COG7: variants seen among roughly 807,000 people sequenced by gnomAD.
The protein encoded by COG7 is conserved oligomeric Golgi complex subunit 7.
Under a neutral mutation model 91.5 loss-of-function variants are expected in COG7, and 49 were observed. That is an observed-to-expected ratio of 0.54 (90% CI 0.43 to 0.68). The LOEUF (loss-of-function observed/expected upper bound fraction) is 0.68, where lower values mean the gene tolerates loss of function less well. Among genes scored for constraint, COG7 ranks in the 30% least tolerant of loss-of-function variants. The pLI, the probability that COG7 is intolerant of heterozygous loss-of-function variation, is 0.00. For synonymous variants in COG7, 365 were observed against 388.7 expected (o/e 0.94, Z 0.72); for missense variants, 895 against 961.3 (o/e 0.93, Z 0.91).
intron 6 of COG7, among the ~76,000 whole-genome samples, chr16:23,430,811 G>T (rs1231440967): frequency 2.0e-5 from 3 of 152,004 alleles, no homozygotes; most frequent in Admixed American, 6.6e-5. Context: ...AAAGTGCTGG[G>T]ATTACAGGTG....
intron 10 of COG7, among the ~76,000 whole-genome samples, chr16:23,410,679 A>G (rs1462752436): frequency 1.3e-5 from 2 of 152,134 alleles, no homozygotes; most frequent in Non-Finnish European, 2.9e-5. Flanking sequence ...CAGGGTAGAG[A>G]TATTTTATAT....
intron 4 of COG7, among the ~76,000 whole-genome samples, chr16:23,437,552 G>T (rs1964030844): frequency 6.6e-6 from 1 of 152,216 alleles, no homozygotes; most frequent in Non-Finnish European, 1.5e-5. Context: ...CAGGGCTGGA[G>T]ATGAGTACTG....
At chr16:23,451,085 C>T (rs1452052741) in intron 1 of COG7, among the ~76,000 whole-genome samples, 2 of 152,072 alleles carry the variant, frequency 1.3e-5, no homozygotes, top group Non-Finnish European at 2.9e-5. Context: ...CCCAGCTACT[C>T]AGGAGGTAGA....
In COG7 at chr16:23,418,911, A is replaced by C. The variant is rs116838850; in HGVS notation, c.1010-84T>G. 1.0e-4 allele frequency: 130 copies of C among 1,273,898 alleles called. No homozygotes were observed. In the African/African-American group the frequency reaches 1.6e-3, roughly 16 times the overall value. 78.9% of individuals were successfully genotyped at this position (1,273,898 alleles called of 1,614,324 possible). A position where few individuals can be genotyped will look rare whatever the true frequency, so the allele number is the denominator to read the frequency against. The stretch of plus-strand genomic sequence containing the variant: ...GAAAGCAACAATCAAGAGGCGCTCT[A>C]CTAGAACTTTCCCCATTTGATCTCC... On this transcript the variant is annotated intron_variant, in intron 7 of 16. Coordinates refer to ENST00000307149, the MANE Select transcript of COG7 (RefSeq NM_153603.4).
At chr16:23,401,885 G>A (rs888995623) in intron 13 of COG7, among the ~76,000 whole-genome samples, 8 of 151,956 alleles carry the variant, frequency 5.3e-5, no homozygotes, top group African/African-American at 1.2e-4. Flanking sequence ...ACGAAACCCC[G>A]TCTCTACCAA....
Position 23,410,302 on chromosome 16 carries a change from C to T in COG7, c.1468G>A (p.Ala490Thr). The T allele has an allele frequency of 6.2e-7, 1 of 1,613,968 alleles. No individual in the cohort carries two copies. Among genetic ancestry groups the T allele is most frequent in the Non-Finnish European group, 8.5e-7 (1 of 1,179,902 alleles). The change falls in exon 11 of 17, where the codon GCC (alanine) becomes ACC (threonine). Residue 490 changes from alanine to threonine, a missense_variant. Physicochemically the swap from Ala to Thr is moderately conservative, Grantham distance 58. Coordinates refer to ENST00000307149, the MANE Select transcript of COG7 (RefSeq NM_153603.4). ...ATGACTCCTCTCTCCTACCTGTTGGCTAGCTGCTGCTCGAAGTCCCCACAA... is the reference window on the plus strand; with the variant it reads ...ATGACTCCTCTCTCCTACCTGTTGGTTAGCTGCTGCTCGAAGTCCCCACAA... ...RHCGDFEQQL[A>T]NRILSTAGKY...
rs60680120 is a variant in COG7, at chr16:23,404,010, C to T, written c.1663-176G>A. Among the ~76,000 whole-genome samples the T allele has an allele frequency of 9.9e-3, 1,515 of 152,314 alleles. 31 individuals carry two copies. The highest frequency in any genetic ancestry group is 0.034 in the African/African-American group (1,420 of 41,564). On this transcript the variant is annotated intron_variant, in intron 12 of 16. Transcript: ENST00000307149. ...ACATGCTGAATTACAGATTCCCAAG[C>T]TCCACCCCAGAACTACTGCATCAGA...
chr16:23,452,827 C>T lies in COG7; in HGVS notation c.168G>A (p.Glu56=). The T allele has an allele frequency of 1.2e-6, 2 of 1,611,822 alleles. No individual in the cohort carries two copies. Among genetic ancestry groups the T allele is most frequent in the Non-Finnish European group, 1.7e-6 (2 of 1,179,316 alleles). ...LFIQEVNHAV[E]ETSHQALQNM... is the part of the protein sequence containing the mutation. ...CGGCCAGGGCCCCGAGCGGCTCACC[C>T]TCCACGGCGTGGTTCACCTCTTGGA... Residue 56 remains glutamate (E), a splice_region_variant and synonymous_variant, in exon 1 of 17, where the codon GAG becomes GAA. Transcript: ENST00000307149.
chr16:23,415,060 T>TGCAG (rs1963631236), intron 9 of COG7: 1 of 152,276 alleles, frequency 6.6e-6, no homozygotes, highest in Non-Finnish European at 1.5e-5. Context: ...ATGATCCTGC[T>TGCAG]GCTCCCTTTA....
At chr16:23,412,923 TG>T (rs537765397) in intron 10 of COG7, 82 of 163,412 alleles carry the variant, frequency 5.0e-4, no homozygotes, top group Admixed American at 1.4e-3. Context: ...TGACCTCAAG[TG>T]ATCTGCCCGC....
At chr16:23,396,842 A>C (rs770599527) in intron 14 of COG7, among the ~76,000 whole-genome samples, 6 of 152,216 alleles carry the variant, frequency 3.9e-5, no homozygotes, top group Non-Finnish European at 7.3e-5. Flanking sequence ...CAGAGAGCAG[A>C]GAGCCAGCCA....
intron 4 of COG7, among the ~76,000 whole-genome samples, chr16:23,437,673 A>AT (rs57961024): frequency 0.17 from 25,533 of 152,186 alleles, 2,291 homozygotes; most frequent in East Asian, 0.29. Flanking sequence ...AAATTCCACT[A>AT]TTTTTCAGTG....
chr16:23,422,871 C>T (rs926651793), intron 7 of COG7, among the ~76,000 whole-genome samples: 31 of 151,506 alleles, frequency 2.0e-4, no homozygotes, highest in African/African-American at 7.3e-4. Flanking sequence ...GGTGAAACCT[C>T]GTCTCTACTA....
intron 4 of COG7, among the ~76,000 whole-genome samples, chr16:23,437,452 T>C (rs944089919): frequency 8.5e-5 from 13 of 152,094 alleles, no homozygotes; most frequent in African/African-American, 2.9e-4. Flanking sequence ...AGATGGTAAC[T>C]TTCCAACCCC....
chr16:23,418,873 A>T, intron 7 of COG7, 46 bp from the exon 8 acceptor site: 1 of 1,585,986 alleles, frequency 6.3e-7, no homozygotes, highest in East Asian at 2.2e-5. Context: ...AAAGAATCTG[A>T]AATTAACTGT....
Position 23,452,941 on chromosome 16 carries a change from A to G in COG7, c.54T>C (p.Asn18=), listed in dbSNP as rs1348861782. 9.9e-6 allele frequency: 16 copies of G among 1,613,998 alleles called. No homozygotes were observed. The highest frequency in any genetic ancestry group is 1.4e-5 in the Non-Finnish European group (16 of 1,179,996). ...ADDFDVKEWI[N]AAFRAGSKEA... ...CCTTGGAGCCGGCCCTGAAGGCCGC[A>G]TTGATCCACTCCTTCACGTCGAAGT... Residue 18 remains asparagine, a synonymous_variant, in exon 1 of 17, where the codon AAT becomes AAC. Coordinates refer to ENST00000307149, the MANE Select transcript of COG7 (RefSeq NM_153603.4).
rs375114992 is a variant in COG7, at chr16:23,410,331, C to T, written c.1439G>A (p.Arg480Gln). The T allele has an allele frequency of 8.7e-6, 14 of 1,613,954 alleles. No homozygotes were observed. Among genetic ancestry groups the T allele is most frequent in the Middle Eastern group, 1.6e-4 (1 of 6,084 alleles). Residue 480 changes from arginine (R) to glutamine (Q), a missense_variant, in exon 11 of 17, where the codon CGG becomes CAG. Arg to Gln is a conservative substitution (Grantham distance 43). Transcript: ENST00000307149. Reference sequence around the variant, plus strand: ...CTGCTGCTCGAAGTCCCCACAATGCCGCAAAAGCTCTCCACAGGTGGCTAT... The same window carrying T: ...CTGCTGCTCGAAGTCCCCACAATGCTGCAAAAGCTCTCCACAGGTGGCTAT... The part of the protein sequence containing the change: ...RIIATCGELL[R>Q]HCGDFEQQLA...
In COG7 at chr16:23,424,962, A is replaced by ACC; in HGVS notation, c.811-16_811-15insGG. The ACC allele has an allele frequency of 9.5e-6, 15 of 1,585,022 alleles. No individual in the cohort carries two copies. The highest frequency in any genetic ancestry group is 1.3e-5 in the Non-Finnish European group (15 of 1,162,836). ...TTCTGGAAAACCTGCAGTGAGAGAG[A>ACC]GGTGTACCTGCCTTAGCACATGGAG... On this transcript the variant is annotated splice_polypyrimidine_tract_variant and intron_variant, in intron 6 of 16. Coordinates refer to ENST00000307149, the MANE Select transcript of COG7 (RefSeq NM_153603.4).
At chr16:23,439,278 T>C (rs1456994969) in intron 4 of COG7, among the ~76,000 whole-genome samples, 1 of 119,986 alleles carries the variant, frequency 8.3e-6, no homozygotes, top group Non-Finnish European at 1.6e-5. Context: ...CACTCCAGCC[T>C]GGGCAACAGA....
Sources: allele counts gnomAD v4.1 joint callset (sites outside exome capture counted in the v4.1 genomes callset), GRCh38; gene constraint gnomAD v4.1.1; transcripts MANE v1.5; gene names NCBI Gene and HGNC (gene_info 2026-07-23, HGNC 2026-07-21).